Variants in RIPOR1 observed in about 807,000 individuals in gnomAD.
RIPOR1 encodes the protein rho family-interacting cell polarization regulator 1.
RIPOR1 carries 58 observed loss-of-function variants against 116.5 expected under a neutral mutation model. The ratio of observed to expected loss-of-function variants is 0.50; its 90% confidence interval spans 0.40 to 0.62. RIPOR1 has a LOEUF of 0.62. Among genes scored for constraint, RIPOR1 ranks in the 20% least tolerant of loss-of-function variants. RIPOR1 has a pLI of 0.00. For synonymous variants in RIPOR1, 605 were observed against 650.0 expected, an observed-to-expected ratio of 0.93 and a Z score of 1.05; for missense variants, 1,372 against 1,586.2, an observed-to-expected ratio of 0.86 and a Z score of 2.29.
In RIPOR1 at chr16:67,529,963, G is replaced by A. The variant is rs1178854250; in HGVS notation, c.-24+1049G>A. 2.5e-6 allele frequency: 2 copies of A among 784,874 alleles called. No individual in the cohort carries two copies. The highest frequency in any genetic ancestry group is 5.3e-5 in the East Asian group (2 of 37,528). The allele number at this position is 784,874 out of a possible 1,614,324, so 48.6% of individuals were successfully genotyped here. On this transcript the variant is annotated intron_variant, in intron 1 of 21. Transcript: ENST00000042381. This position sits in a 1 kb window ranked among gnomAD's most constrained non-coding sequence, Gnocchi z 4.1. Reference sequence around the variant, plus strand: ...CACCTCCGTGGTATTGGAGGGAGGAGAGGAATGATAATTGGGGGCTGAGGT... The same window carrying A: ...CACCTCCGTGGTATTGGAGGGAGGAAAGGAATGATAATTGGGGGCTGAGGT...
rs555522164 is a variant in RIPOR1, at chr16:67,537,389, A to C, written c.-23-1035A>C. The C allele has an allele frequency of 1.3e-5, 16 of 1,229,440 alleles. No individual in the cohort carries two copies. In the South Asian group the frequency reaches 5.3e-4, roughly 40 times the overall value. 76.2% of individuals were successfully genotyped at this position (1,229,440 alleles called of 1,614,324 possible). A position where few individuals can be genotyped will look rare whatever the true frequency, so the allele number is the denominator to read the frequency against. The stretch of plus-strand genomic sequence containing the variant: ...CCCCTCCCCGAGGGGAACCCCAGTC[A>C]CCGGTCCCGCCCCATCCAGGCGGGC... On this transcript the variant is annotated intron_variant, in intron 1 of 21. Transcript: ENST00000042381. This position sits in a 1 kb window ranked among gnomAD's most constrained non-coding sequence, Gnocchi z 4.6.
Position 67,546,573 on chromosome 16 carries a change from C to T in RIPOR1, c.*110C>T. The T allele has an allele frequency of 1.2e-6, 1 of 810,594 alleles. No homozygotes were observed. The allele number at this position is 810,594 out of a possible 1,614,324, so 50.2% of individuals were successfully genotyped here. A position where few individuals can be genotyped will look rare whatever the true frequency, so the allele number is the denominator to read the frequency against. On this transcript the variant is annotated 3_prime_UTR_variant, in exon 22 of 22. Coordinates refer to ENST00000042381, the MANE Select transcript of RIPOR1 (RefSeq NM_024519.4). ...CCAGATACCCCTCCCCCACAGATTC[C>T]TAGCAATGAAAATCTAATATATTCT...
chr16:67,546,146 C>A lies in RIPOR1; in HGVS notation c.3477C>A (p.Pro1159=), dbSNP rs371288823. ...GCLALGCIKA[P]EGIEPLVYLC... ...AATGCTCCCTCCCCTGACAGGCTCC[C>A]GAGGGCATTGAGCCCCTGGTGTACC... is the stretch of plus-strand genomic sequence containing the variant. Residue 1159 remains proline (P), a synonymous_variant, in exon 21 of 22, where the codon CCC becomes CCA. Transcript: ENST00000042381. 6.2e-7 allele frequency: 1 copy of A among 1,613,928 alleles called. No individual in the cohort carries two copies. The highest frequency in any genetic ancestry group is 8.5e-7 in the Non-Finnish European group (1 of 1,179,984).
intron 4 of RIPOR1, 162 bp downstream of exon 4, chr16:67,539,230 C>T (rs891987030): frequency 8.6e-5 from 54 of 630,752 alleles, no homozygotes; most frequent in Non-Finnish European, 1.5e-4. Flanking sequence ...TATCCCCAAA[C>T]TTTGCTGTGC....
Position 67,544,605 on chromosome 16 carries a change from C to T in RIPOR1, c.2734-90C>T, listed in dbSNP as rs1404467081. The T allele has an allele frequency of 6.3e-7, 1 of 1,577,688 alleles. No individual in the cohort carries two copies. Among genetic ancestry groups the T allele is most frequent in the Non-Finnish European group, 8.6e-7 (1 of 1,160,422 alleles). ...TCTCCCAACTCTGCAACCCCAACCT[C>T]CCCCAGTGCATGCTGGGACTTGTCC... is the stretch of plus-strand genomic sequence containing the variant. On this transcript the variant is annotated intron_variant, in intron 15 of 21. Transcript: ENST00000042381. The surrounding 1 kb of genome is among the most constrained non-coding windows in gnomAD (Gnocchi z 5.1).
In RIPOR1 at chr16:67,544,879, C is replaced by T; in HGVS notation, c.2869+49C>T. The T allele has an allele frequency of 1.3e-6, 2 of 1,596,672 alleles. No individual in the cohort carries two copies. The highest frequency in any genetic ancestry group is 1.1e-5 in the South Asian group (1 of 90,460). On this transcript the variant is annotated intron_variant, in intron 16 of 21. Coordinates refer to ENST00000042381, the MANE Select transcript of RIPOR1 (RefSeq NM_024519.4). This position sits in a 1 kb window ranked among gnomAD's most constrained non-coding sequence, Gnocchi z 5.1. Reference sequence around the variant, plus strand: ...TCTGCCATCTGCCTTGAAGCTCCTACCTCAGCCTACTGCCATCTGCATGCT... The same window carrying T: ...TCTGCCATCTGCCTTGAAGCTCCTATCTCAGCCTACTGCCATCTGCATGCT...
intron 1 of RIPOR1, among the ~76,000 whole-genome samples, chr16:67,519,638 G>A (rs1186353597): frequency 6.6e-6 from 1 of 152,168 alleles, no homozygotes; most frequent in East Asian, 1.9e-4. Context: ...CAGGAGGGAG[G>A]GCAGTTCTGA....
At position 67,540,119 on chromosome 16, in the gene RIPOR1, C is replaced by G; in HGVS notation, c.481C>G (p.Arg161Gly). 6.2e-7 allele frequency: 1 copy of G among 1,614,182 alleles called. No individual in the cohort carries two copies. The highest frequency in any genetic ancestry group is 8.5e-7 in the Non-Finnish European group (1 of 1,180,028). Residue 161 changes from arginine to glycine, a missense_variant, in exon 7 of 22, where the codon CGT becomes GGT. Transcript: ENST00000042381. This position sits in a 1 kb window ranked among gnomAD's most constrained non-coding sequence, Gnocchi z 4.7. Reference protein sequence around the residue: ...RLRDGAYNMVRAYTTGSPGSR... With the variant: ...RLRDGAYNMVGAYTTGSPGSR... ...CCGGGATGGTGCCTACAACATGGTCCGTGCCTACACCACTGGGTCCCCGGG... is the reference window on the plus strand; with the variant it reads ...CCGGGATGGTGCCTACAACATGGTCGGTGCCTACACCACTGGGTCCCCGGG...
In RIPOR1 at chr16:67,540,143, G is replaced by C; in HGVS notation, c.505G>C (p.Gly169Arg). ...MVRAYTTGSP[G>R]SREARDSLAE... ...CCGTGCCTACACCACTGGGTCCCCG[G>C]GAAGCCGAGAGGCCCGGGACAGCCT... Residue 169 changes from glycine to arginine, a missense_variant, in exon 7 of 22, where the codon GGA (glycine) becomes CGA (arginine). Physicochemically the swap from Gly to Arg is moderately radical, Grantham distance 125. Around this residue, in one of 3 missense-constraint regions of RIPOR1, gnomAD observed 202 missense variants for 295.9 expected, o/e 0.68. Coordinates refer to ENST00000042381, the MANE Select transcript of RIPOR1 (RefSeq NM_024519.4). This position sits in a 1 kb window ranked among gnomAD's most constrained non-coding sequence, Gnocchi z 4.7. 6.2e-7 allele frequency: 1 copy of C among 1,614,214 alleles called. No individual in the cohort carries two copies. Among genetic ancestry groups the C allele is most frequent in the Non-Finnish European group, 8.5e-7 (1 of 1,180,038 alleles).
In RIPOR1 at chr16:67,537,509, G is replaced by A; in HGVS notation, c.-23-915G>A. 1 of 1,277,748 alleles carries A rather than the reference G, an allele frequency of 7.8e-7. No homozygotes were observed. The highest frequency in any genetic ancestry group is 2.5e-5 in the South Asian group (1 of 39,794). 79.2% of individuals were successfully genotyped at this position (1,277,748 alleles called of 1,614,324 possible). ...GAGCGAGCCCGGAGCCCAGCCGGGC[G>A]GCTCGAAGTGGCCAGGGCCGGAAGG... On this transcript the variant is annotated intron_variant, in intron 1 of 21. Coordinates refer to ENST00000042381, the MANE Select transcript of RIPOR1 (RefSeq NM_024519.4). The surrounding 1 kb of genome is among the most constrained non-coding windows in gnomAD (Gnocchi z 4.6).
chr16:67,541,543 T>C lies in RIPOR1; in HGVS notation c.915T>C (p.Leu305=). The C allele has an allele frequency of 1.2e-6, 2 of 1,614,046 alleles. No individual in the cohort carries two copies. Among genetic ancestry groups the C allele is most frequent in the Non-Finnish European group, 1.7e-6 (2 of 1,179,980 alleles). ...TTGTGGCTGTGGATATCAATGACCTTGGTACCATCAAGCTCAGCCTGGAAG... is the reference window on the plus strand; with the variant it reads ...TTGTGGCTGTGGATATCAATGACCTCGGTACCATCAAGCTCAGCCTGGAAG... The part of the protein sequence containing the change: ...PQVVAVDIND[L]GTIKLSLEVT... The change falls in exon 11 of 22, where the codon CTT becomes CTC. Residue 305 remains leucine (L), a synonymous_variant. Transcript: ENST00000042381. This position sits in a 1 kb window ranked among gnomAD's most constrained non-coding sequence, Gnocchi z 4.6.
chr16:67,540,835 C>A lies in RIPOR1; in HGVS notation c.801+131C>A. 1.0e-6 allele frequency: 1 copy of A among 990,218 alleles called. No individual in the cohort carries two copies. The highest frequency in any genetic ancestry group is 1.5e-6 in the Non-Finnish European group (1 of 661,202). 61.3% of individuals were successfully genotyped at this position (990,218 alleles called of 1,614,324 possible). ...CCCTGTGAAGATATGATTCCATGAC[C>A]TTCATGATCTCTGTGGCCCTGAGAG... On this transcript the variant is annotated intron_variant, in intron 10 of 21. Coordinates refer to ENST00000042381, the MANE Select transcript of RIPOR1 (RefSeq NM_024519.4). This position sits in a 1 kb window ranked among gnomAD's most constrained non-coding sequence, Gnocchi z 4.7.
intron 1 of RIPOR1, chr16:67,538,203 A>C: frequency 2.4e-5 from 10 of 417,182 alleles, no homozygotes; most frequent in Non-Finnish European, 3.3e-5. Context: ...CTCGGCAGGA[A>C]GTGGGGGCCG....
upstream of RIPOR1, among the ~76,000 whole-genome samples, chr16:67,526,553 T>TG (rs572054107): frequency 6.8e-4 from 103 of 152,324 alleles, no homozygotes; most frequent in African/African-American, 2.4e-3. Context: ...CAAGGGCTCA[T>TG]GCATTTACAC....
upstream of RIPOR1, among the ~76,000 whole-genome samples, chr16:67,527,100 G>C (rs1232840717): frequency 6.6e-6 from 1 of 152,162 alleles, no homozygotes; most frequent in Non-Finnish European, 1.5e-5. Context: ...CTCAGCCCCT[G>C]GAAGTCATGC....
chr16:67,539,275 G>T (rs1273115110), intron 4 of RIPOR1: 1 of 565,500 alleles, frequency 1.8e-6, no homozygotes, highest in Non-Finnish European at 3.1e-6. Context: ...CCTGCTCCAG[G>T]AGCTTCCAGT....
Position 67,541,491 on chromosome 16 carries a change from A to C in RIPOR1, c.863A>C (p.Lys288Thr), listed in dbSNP as rs746762505. 1 of 1,614,126 alleles carries C rather than the reference A, an allele frequency of 6.2e-7. No individual in the cohort carries two copies. Among genetic ancestry groups the C allele is most frequent in the South Asian group, 1.1e-5 (1 of 91,078 alleles). ...VVVGSVSCETKDLFAALPQVV... is the reference protein window; with the variant it reads ...VVVGSVSCETTDLFAALPQVV... Reference sequence around the variant, plus strand: ...GTGGGCAGTGTCTCCTGTGAGACCAAGGACCTGTTTGCCGCCCTGCCCCAG... The same window carrying C: ...GTGGGCAGTGTCTCCTGTGAGACCACGGACCTGTTTGCCGCCCTGCCCCAG... Residue 288 changes from lysine to threonine, a missense_variant, in exon 11 of 22, where the codon AAG becomes ACG. Transcript: ENST00000042381. This position sits in a 1 kb window ranked among gnomAD's most constrained non-coding sequence, Gnocchi z 4.6.
chr16:67,529,749 G>T lies in RIPOR1; in HGVS notation c.-24+835G>T. On this transcript the variant is annotated intron_variant, in intron 1 of 21. Transcript: ENST00000042381. This position sits in a 1 kb window ranked among gnomAD's most constrained non-coding sequence, Gnocchi z 4.1. ...CGCAGCCTCGTGTAACAATACTTGT[G>T]CCCTGGCTGCAGTCTGCGGGGCCGC... 6.5e-7 allele frequency: 1 copy of T among 1,534,086 alleles called. No individual in the cohort carries two copies. The highest frequency in any genetic ancestry group is 1.2e-5 in the South Asian group (1 of 83,948).
Position 67,546,165 on chromosome 16 carries a change from G to A in RIPOR1, c.3496G>A (p.Val1166Met). Residue 1166 changes from valine to methionine, a missense_variant, in exon 21 of 22, where the codon GTG becomes ATG. Physicochemically the swap from Val to Met is conservative, Grantham distance 21. This residue lies in a region of RIPOR1 where 1,005 missense variants were observed against 1,144.7 expected (regional missense o/e 0.88). Transcript: ENST00000042381. ...GGCTCCCGAGGGCATTGAGCCCCTG[G>A]TGTACCTCTGCCAAACTGACACAGA... ...IKAPEGIEPLVYLCQTDTEAV... is the reference protein window; with the variant it reads ...IKAPEGIEPLMYLCQTDTEAV... The A allele has an allele frequency of 1.9e-6, 3 of 1,614,062 alleles. No homozygotes were observed. Among genetic ancestry groups the A allele is most frequent in the South Asian group, 1.1e-5 (1 of 91,084 alleles).
Sources: allele counts gnomAD v4.1 joint callset (sites outside exome capture counted in the v4.1 genomes callset), GRCh38; gene constraint gnomAD v4.1.1; regional missense constraint gnomAD v4.1.1; non-coding constraint Gnocchi (gnomAD v3.1); transcripts MANE v1.5; gene names NCBI Gene and HGNC (gene_info 2026-07-23, HGNC 2026-07-21).